The following ZNF793 variants were observed in gnomAD, a reference collection of about 807,000 sequenced individuals.
The protein encoded by ZNF793 is zinc finger protein 793.
ZNF793 carries 5 observed loss-of-function variants against 12.4 expected under a neutral mutation model. The ratio of observed to expected loss-of-function variants is 0.40; its 90% confidence interval spans 0.21 to 0.84. ZNF793 has a LOEUF of 0.84. Ranked by LOEUF, ZNF793 falls within the 40% of genes least tolerant of loss-of-function variation. The pLI, the probability that ZNF793 is intolerant of heterozygous loss-of-function variation, is 0.35. For synonymous variants in ZNF793, 162 were observed against 172.4 expected (o/e 0.94, Z 0.47); for missense variants, 456 against 495.0 (o/e 0.92, Z 0.75).
At chr19:37,513,359 G>A (rs995496211) in intron 2 of ZNF793, among the ~76,000 whole-genome samples, 18 of 152,128 alleles carry the variant, frequency 1.2e-4, no homozygotes, top group African/African-American at 4.1e-4. Context: ...TGTATTTATT[G>A]TAGAAGCTTT....
At position 37,543,263 on chromosome 19, in the gene ZNF793, T is replaced by G. The variant is rs142529330; in HGVS notation, c.*5384T>G. 6.6e-6 allele frequency: 1 copy of G among 152,336 alleles called. No individual in the cohort carries two copies. The highest frequency in any genetic ancestry group is 2.4e-5 in the African/African-American group (1 of 41,572). 9.4% of individuals were successfully genotyped at this position (152,336 alleles called of 1,614,324 possible). On this transcript the variant is annotated 3_prime_UTR_variant, in exon 8 of 8. Transcript: ENST00000627814. ...AATAAGTTTTCTGAATACCTTTGCA[T>G]TGTCTTGTTCACATATATTGCTTTT... is the stretch of plus-strand genomic sequence containing the variant.
At chr19:37,527,621 C>T (rs1166482075) in intron 5 of ZNF793, among the ~76,000 whole-genome samples, 2 of 152,136 alleles carry the variant, frequency 1.3e-5, no homozygotes, top group East Asian at 1.9e-4. Context: ...GGCAGTCCAG[C>T]CCCAATCCAC....
rs141117644 is a variant in ZNF793, at chr19:37,513,111, G to C, written c.-276+4708G>C. Among the ~76,000 whole-genome samples the C allele has an allele frequency of 1.2e-4, 19 of 152,184 alleles. No individual in the cohort carries two copies. In the East Asian group the frequency reaches 2.3e-3, roughly 19 times the overall value. On this transcript the variant is annotated intron_variant, in intron 2 of 7. Transcript: ENST00000627814. ...CCATACCAGAAGGTACACAGTGTTGGTTTGTCACATTAATGGTGATGTTAG... is the reference window on the plus strand; with the variant it reads ...CCATACCAGAAGGTACACAGTGTTGCTTTGTCACATTAATGGTGATGTTAG...
rs535801014 is a variant in ZNF793, at chr19:37,540,931, A to T, written c.*3052A>T. ...ATCATACCATGTATAAAAACATCAC[A>T]TGTACCCAATAAATATATACAACAA... On this transcript the variant is annotated 3_prime_UTR_variant, in exon 8 of 8. Transcript: ENST00000627814. The T allele has an allele frequency of 6.6e-6, 1 of 152,010 alleles. No individual in the cohort carries two copies. The highest frequency in any genetic ancestry group is 1.5e-5 in the Non-Finnish European group (1 of 67,988). 9.4% of individuals were successfully genotyped at this position (152,010 alleles called of 1,614,324 possible). A position where few individuals can be genotyped will look rare whatever the true frequency, so the allele number is the denominator to read the frequency against.
intron 2 of ZNF793, among the ~76,000 whole-genome samples, chr19:37,512,229 A>G (rs2042299351): frequency 6.6e-6 from 1 of 152,142 alleles, no homozygotes; most frequent in Admixed American, 6.6e-5. Flanking sequence ...AAAAGTTATA[A>G]GAATAGGCCC....
intron 5 of ZNF793, among the ~76,000 whole-genome samples, chr19:37,524,536 G>A (rs917005536): frequency 8.5e-5 from 13 of 152,174 alleles, no homozygotes; most frequent in Admixed American, 7.2e-4. Flanking sequence ...CAACAAAAAG[G>A]CAAATACAGT....
chr19:37,517,551 T>C (rs2042342485), intron 2 of ZNF793, among the ~76,000 whole-genome samples: 1 of 152,142 alleles, frequency 6.6e-6, no homozygotes, highest in African/African-American at 2.4e-5. Flanking sequence ...TGAGAAGTTA[T>C]AAACCCAAGC....
chr19:37,510,853 C>T (rs1320576125), intron 2 of ZNF793, among the ~76,000 whole-genome samples: 4 of 151,788 alleles, frequency 2.6e-5, no homozygotes, highest in Non-Finnish European at 4.4e-5. Flanking sequence ...CCCATGACCA[C>T]GCCCAGCTAC....
Position 37,537,297 on chromosome 19 carries a change from C to T in ZNF793, c.639C>T (p.Leu213=). ...LMYKPAVSDS[L]LYKRKRVPPT... ...ATAAACCAGCAGTAAGTGATTCTCT[C>T]TTGTACAAACGGAAGAGGGTTCCAC... The change falls in exon 8 of 8, where the codon CTC becomes CTT. Residue 213 remains leucine, a synonymous_variant. Coordinates refer to ENST00000627814, the MANE Select transcript of ZNF793 (RefSeq NM_001013659.3). The T allele has an allele frequency of 2.5e-6, 4 of 1,613,798 alleles. No homozygotes were observed. Among genetic ancestry groups the T allele is most frequent in the Non-Finnish European group, 3.4e-6 (4 of 1,179,872 alleles).
intron 5 of ZNF793, 124 bp from the exon 6 acceptor site, chr19:37,532,232 T>G (rs1025857398): frequency 9.1e-6 from 10 of 1,094,672 alleles, no homozygotes; most frequent in Non-Finnish European, 1.2e-5. Context: ...CAGGCTGATC[T>G]TGAACTCCTG....
chr19:37,506,819 A>C (rs2042252593), upstream of ZNF793: 2 of 152,238 alleles, frequency 1.3e-5, no homozygotes, highest in Admixed American at 1.3e-4. Flanking sequence ...GTAGGAGTCA[A>C]GTGGGCGTCG....
chr19:37,515,810 G>A (rs908861866), intron 2 of ZNF793, among the ~76,000 whole-genome samples: 8 of 152,094 alleles, frequency 5.3e-5, no homozygotes, highest in South Asian at 2.1e-4. Context: ...TGGAAGACTC[G>A]ACAATTTTAA....
At position 37,515,468 on chromosome 19, in the gene ZNF793, C is replaced by T. The variant is rs139499409; in HGVS notation, c.-275-4716C>T. On this transcript the variant is annotated intron_variant, in intron 2 of 7. Coordinates refer to ENST00000627814, the MANE Select transcript of ZNF793 (RefSeq NM_001013659.3). ...GACCACAGGTGCCCGCCACCCCACC[C>T]GGCCAATTTTTTTGTATTTTTAGTA... is the stretch of plus-strand genomic sequence containing the variant. Among the ~76,000 whole-genome samples the T allele has an allele frequency of 6.8e-3, 1,035 of 152,166 alleles. 15 individuals carry two copies. Among genetic ancestry groups the T allele is most frequent in the African/African-American group, 0.024 (979 of 41,530 alleles).
intron 5 of ZNF793, among the ~76,000 whole-genome samples, chr19:37,525,710 C>T (rs1396119122): frequency 1.3e-5 from 2 of 152,134 alleles, no homozygotes; most frequent in Non-Finnish European, 1.5e-5. Flanking sequence ...CGTGAGCCAC[C>T]GTGCCTGGCC....
At chr19:37,528,044 G>A (rs886744425) in intron 5 of ZNF793, among the ~76,000 whole-genome samples, 11 of 152,122 alleles carry the variant, frequency 7.2e-5, no homozygotes, top group South Asian at 2.1e-4. Flanking sequence ...CAGGAGAATC[G>A]CTTGAGCCCA....
intron 3 of ZNF793, among the ~76,000 whole-genome samples, chr19:37,521,578 G>T (rs1037217829): frequency 6.6e-6 from 1 of 151,584 alleles, no homozygotes; most frequent in Admixed American, 6.6e-5. Flanking sequence ...TGAGTAGCTG[G>T]GATTATAGGC....
At chr19:37,532,200 G>T (rs2042467040) in intron 5 of ZNF793, among the ~76,000 whole-genome samples, 156 bp from the exon 6 acceptor site, 1 of 147,828 alleles carries the variant, frequency 6.8e-6, no homozygotes, top group African/African-American at 2.4e-5. Flanking sequence ...TTTTAGTATA[G>T]ACGGGGTTTC....
intron 2 of ZNF793, among the ~76,000 whole-genome samples, chr19:37,515,551 G>A (rs1202491956): frequency 1.3e-5 from 2 of 151,994 alleles, no homozygotes; most frequent in Non-Finnish European, 1.5e-5. Flanking sequence ...CTTGTGATCC[G>A]CCCACCTCGG....
At chr19:37,514,891 C>T (rs908714745) in intron 2 of ZNF793, among the ~76,000 whole-genome samples, 1 of 152,068 alleles carries the variant, frequency 6.6e-6, no homozygotes, top group Non-Finnish European at 1.5e-5. Context: ...ATACCATAGC[C>T]GCCTCATAGA....
Sources: allele counts gnomAD v4.1 joint callset (sites outside exome capture counted in the v4.1 genomes callset), GRCh38; gene constraint gnomAD v4.1.1; transcripts MANE v1.5; gene names NCBI Gene and HGNC (gene_info 2026-07-23, HGNC 2026-07-21).